Variants in ZBBX observed in about 807,000 individuals in gnomAD.
The protein encoded by ZBBX is zinc finger B-box domain containing, also known as zinc finger B-box domain-containing protein 1.
Under a neutral mutation model 108.5 loss-of-function variants are expected in ZBBX, and 101 were observed. That is an observed-to-expected ratio of 0.93 (90% CI 0.79 to 1.10). The LOEUF (loss-of-function observed/expected upper bound fraction) is 1.10, where lower values mean the gene tolerates loss of function less well. ZBBX is among the 50% of genes least tolerant of loss of function. The probability of loss-of-function intolerance (pLI) is 0.00; values close to 1 mark genes in which losing one functional copy is unlikely to be tolerated. For missense variants in ZBBX, 1,009 were observed against 941.4 expected (o/e 1.07, Z -0.94); for synonymous variants, 356 against 323.4 (o/e 1.10, Z -1.08).
At chr3:167,203,162 C>CA in the ZBBX span, among the ~76,000 whole-genome samples, 17 of 152,096 alleles carry the variant, frequency 1.1e-4, no homozygotes, top group Non-Finnish European at 2.9e-5. Flanking sequence ...AAAGTGTTGG[C>CA]AGGCCTTGTT....
intron 20 of ZBBX, among the ~76,000 whole-genome samples, chr3:167,261,427 G>T (rs1256710352): frequency 6.6e-6 from 1 of 151,708 alleles, no homozygotes; most frequent in African/African-American, 2.4e-5. Flanking sequence ...CACTACTAGG[G>T]TGGGTAGGAA....
intron 1 of ZBBX, among the ~76,000 whole-genome samples, chr3:167,397,479 TA>T (rs1748283829): frequency 6.6e-6 from 1 of 152,014 alleles, no homozygotes; most frequent in Admixed American, 6.6e-5. Flanking sequence ...ATTATTCCCT[TA>T]CTTTATCTTC....
At chr3:167,330,871 G>GGAGAAGAAGAAGAAGA (rs1738393872) in intron 10 of ZBBX, among the ~76,000 whole-genome samples, 1 of 43,914 alleles carries the variant, frequency 2.3e-5, no homozygotes, top group Non-Finnish European at 4.5e-5. Context: ...GGAGGAGGAG[G>GGAGAAGAAGAAGAAGA]AGAAGAAGAA....
chr3:167,210,036 G>A, the ZBBX span, among the ~76,000 whole-genome samples: 1 of 152,172 alleles, frequency 6.6e-6, no homozygotes, highest in Non-Finnish European at 1.5e-5. Flanking sequence ...GTTGCAGTGA[G>A]CTAATGTCAT....
At chr3:167,341,052 G>A (rs1740452371) in intron 9 of ZBBX, among the ~76,000 whole-genome samples, 1 of 151,916 alleles carries the variant, frequency 6.6e-6, no homozygotes, top group South Asian at 2.1e-4. Flanking sequence ...TGAAATTCAT[G>A]TGGCTGAAAT....
chr3:167,345,945 T>C (rs951406005), intron 9 of ZBBX, among the ~76,000 whole-genome samples: 1 of 151,834 alleles, frequency 6.6e-6, no homozygotes, highest in African/African-American at 2.4e-5. Context: ...ATTAAGAAAA[T>C]GTATTTACCA....
At chr3:167,279,085 T>C (rs1446283805) in intron 20 of ZBBX, among the ~76,000 whole-genome samples, 1 of 150,734 alleles carries the variant, frequency 6.6e-6, no homozygotes, top group African/African-American at 2.4e-5. Flanking sequence ...AAATTAGGCA[T>C]TGATGGGACA....
chr3:167,356,704 T>C (rs1364937421), intron 8 of ZBBX, among the ~76,000 whole-genome samples: 1 of 152,168 alleles, frequency 6.6e-6, no homozygotes, highest in Admixed American at 6.5e-5. Context: ...CCTACCACAC[T>C]GCAGGCATAA....
intron 6 of ZBBX, among the ~76,000 whole-genome samples, chr3:167,364,656 G>T (rs1745055818): frequency 6.6e-6 from 1 of 152,074 alleles, no homozygotes; most frequent in South Asian, 2.1e-4. Flanking sequence ...GAAAGGAAAA[G>T]AAGCGAAACT....
chr3:167,404,858 C>T (rs1748535121), intron 1 of ZBBX, among the ~76,000 whole-genome samples: 1 of 152,110 alleles, frequency 6.6e-6, no homozygotes, highest in African/African-American at 2.4e-5. Context: ...TACAAATTAG[C>T]AGCCATAACA....
intron 1 of ZBBX, among the ~76,000 whole-genome samples, chr3:167,406,741 A>T (rs752187755): frequency 2.6e-5 from 4 of 152,244 alleles, no homozygotes; most frequent in Non-Finnish European, 5.9e-5. Flanking sequence ...AAGCCCTTTC[A>T]GTTCTCTACC....
intron 17 of ZBBX, among the ~76,000 whole-genome samples, chr3:167,304,122 CCTTT>C (rs1391409096): frequency 2.0e-5 from 3 of 152,098 alleles, no homozygotes; most frequent in South Asian, 2.1e-4. Flanking sequence ...TTTATTTCTT[CCTTT>C]CTATTTTTAA....
intron 5 of ZBBX, chr3:167,366,980 G>T: frequency 4.4e-6 from 2 of 452,814 alleles, no homozygotes; most frequent in Non-Finnish European, 8.9e-6. Flanking sequence ...ATTAGAGGGG[G>T]TATGTATATA....
intron 16 of ZBBX, among the ~76,000 whole-genome samples, chr3:167,307,274 G>A (rs1733816238): frequency 6.6e-6 from 1 of 152,092 alleles, no homozygotes; most frequent in Admixed American, 6.6e-5. Context: ...CCTAGCAAGG[G>A]CAACCAGGAA....
chr3:167,375,111 C>G (rs1391519594), intron 2 of ZBBX, among the ~76,000 whole-genome samples: 1 of 152,142 alleles, frequency 6.6e-6, no homozygotes, highest in East Asian at 1.9e-4. Flanking sequence ...AAGCTTTGCT[C>G]TAAGACTTAA....
the ZBBX span, among the ~76,000 whole-genome samples, chr3:167,216,814 G>A: frequency 6.6e-6 from 1 of 152,048 alleles, no homozygotes; most frequent in African/African-American, 2.4e-5. Context: ...CAGAAATAAG[G>A]CTGCACGTCT....
At chr3:167,299,966 T>C (rs933430932) in intron 17 of ZBBX, among the ~76,000 whole-genome samples, 4 of 152,152 alleles carry the variant, frequency 2.6e-5, no homozygotes, top group Non-Finnish European at 5.9e-5. Context: ...ACCTTTTGTT[T>C]TGCAACTCTT....
At chr3:167,289,098 A>G (rs1576901788) in intron 18 of ZBBX, 115 bp from the exon 19 acceptor site, 1 of 445,352 alleles carries the variant, frequency 2.2e-6, no homozygotes, top group South Asian at 7.2e-5. Context: ...AATATTTACA[A>G]CAGTGATATA....
the ZBBX span, among the ~76,000 whole-genome samples, chr3:167,209,614 G>A: frequency 6.6e-6 from 1 of 152,252 alleles, no homozygotes; most frequent in South Asian, 2.1e-4. Flanking sequence ...AGAGGGATAG[G>A]TACAAACAAG....
Sources: gnomAD v4.1 joint callset for allele counts (sites outside exome capture counted in the v4.1 genomes callset) on GRCh38, gnomAD v4.1.1 for gene constraint, MANE v1.5 for transcripts, NCBI Gene and HGNC (gene_info 2026-07-23, HGNC 2026-07-21) for gene names.